The following CNTLN variants were observed in gnomAD, a reference collection of about 807,000 sequenced individuals.
CNTLN encodes centlein.
Under a neutral mutation model 180.0 loss-of-function variants are expected in CNTLN, and 212 were observed. That is an observed-to-expected ratio of 1.18 (90% CI 1.05 to 1.32). The LOEUF (loss-of-function observed/expected upper bound fraction) is 1.32, where lower values mean the gene tolerates loss of function less well. Ranked by LOEUF, CNTLN falls within the 40% of genes most tolerant of loss-of-function variation. CNTLN has a pLI of 0.00. For synonymous variants in CNTLN, 722 were observed against 563.1 expected, an observed-to-expected ratio of 1.28 and a Z score of -3.99; for missense variants, 2,095 against 1,610.9, an observed-to-expected ratio of 1.30 and a Z score of -5.14.
intron 2 of CNTLN, among the ~76,000 whole-genome samples, chr9:17,175,242 A>AT (rs1029520383): frequency 6.6e-6 from 1 of 151,944 alleles, no homozygotes; most frequent in Admixed American, 6.6e-5. Flanking sequence ...ATTTTCTCTT[A>AT]TTTTTTTTCC....
At chr9:17,145,523 A>C (rs745384707) in intron 2 of CNTLN, among the ~76,000 whole-genome samples, 3 of 152,160 alleles carry the variant, frequency 2.0e-5, no homozygotes, top group Non-Finnish European at 4.4e-5. Context: ...GGTCTGTTTA[A>C]TTTTTAAACC....
chr9:17,199,172 T>C (rs1161104790), intron 2 of CNTLN, among the ~76,000 whole-genome samples: 2 of 151,244 alleles, frequency 1.3e-5, no homozygotes, highest in Non-Finnish European at 2.9e-5. Context: ...CCAATTTCAC[T>C]GCAGCCTCGC....
intron 12 of CNTLN, among the ~76,000 whole-genome samples, chr9:17,361,168 C>G (rs547465410): frequency 6.6e-6 from 1 of 152,146 alleles, no homozygotes; most frequent in African/African-American, 2.4e-5. Context: ...CCATTAACTC[C>G]TCATTTAGCA....
At chr9:17,325,434 A>G (rs113722494) in intron 8 of CNTLN, among the ~76,000 whole-genome samples, 7 of 149,590 alleles carry the variant, frequency 4.7e-5, no homozygotes, top group African/African-American at 1.5e-4. Context: ...AGACAATTAT[A>G]TACTCTGTTG....
intron 5 of CNTLN, among the ~76,000 whole-genome samples, chr9:17,266,820 G>C (rs1398209433): frequency 6.6e-6 from 1 of 152,042 alleles, no homozygotes; most frequent in Non-Finnish European, 1.5e-5. Flanking sequence ...TTTGATCTTT[G>C]TTGGTTTGAA....
intron 2 of CNTLN, among the ~76,000 whole-genome samples, chr9:17,146,738 T>C (rs898867968): frequency 6.6e-6 from 1 of 152,200 alleles, no homozygotes; most frequent in Non-Finnish European, 1.5e-5. Flanking sequence ...TGGATGAAGA[T>C]TCTCTTTGAT....
In CNTLN at chr9:17,415,959, T is replaced by C. The variant is rs866003424; in HGVS notation, c.2891-7T>C. The C allele has an allele frequency of 2.2e-5, 35 of 1,597,912 alleles. No homozygotes were observed. The highest frequency in any genetic ancestry group is 2.1e-5 in the Non-Finnish European group (25 of 1,172,014). On this transcript the variant is annotated splice_polypyrimidine_tract_variant and splice_region_variant and intron_variant, in intron 17 of 25. Transcript: ENST00000380647. ...TTTAAAATATGAACAATATTGTTTT[T>C]ATGTAGTCAACAGAGAAAAGTACAA...
At chr9:17,364,944 C>G (rs1823688217) in intron 12 of CNTLN, among the ~76,000 whole-genome samples, 1 of 152,128 alleles carries the variant, frequency 6.6e-6, no homozygotes, top group Admixed American at 6.5e-5. Flanking sequence ...GGCTGGAGAA[C>G]TATTTTAGTG....
chr9:17,381,450 G>A (rs1825248564), intron 13 of CNTLN, among the ~76,000 whole-genome samples: 1 of 152,142 alleles, frequency 6.6e-6, no homozygotes, highest in African/African-American at 2.4e-5. Flanking sequence ...AAGTTATTAG[G>A]TACATTTTTT....
At chr9:17,322,011 A>G (rs1819948620) in intron 8 of CNTLN, among the ~76,000 whole-genome samples, 1 of 152,154 alleles carries the variant, frequency 6.6e-6, no homozygotes, top group Non-Finnish European at 1.5e-5. Context: ...TCGAGTTTAT[A>G]TGTGTAAACT....
chr9:17,442,882 G>GT (rs747444214), intron 18 of CNTLN, among the ~76,000 whole-genome samples: 11 of 152,216 alleles, frequency 7.2e-5, no homozygotes, highest in African/African-American at 2.2e-4. Context: ...TAGATCTCAT[G>GT]TTTTTTTACC....
rs889719268 is a variant in CNTLN, at chr9:17,301,286, T to C, written c.1146+2934T>C. ...AACCTAAATTGTGATCTGGGGTACA[T>C]TTTGAAACCGTAAACACTTTTCTTC... On this transcript the variant is annotated intron_variant, in intron 7 of 25. Transcript: ENST00000380647. 7 of 985,304 alleles carry C rather than the reference T, an allele frequency of 7.1e-6. No individual in the cohort carries two copies. The African/African-American group carries it at 1.0e-4, about 15-fold the overall frequency. 61.0% of individuals were successfully genotyped at this position (985,304 alleles called of 1,614,324 possible).
intron 13 of CNTLN, among the ~76,000 whole-genome samples, chr9:17,369,525 C>T (rs186052594): frequency 2.6e-5 from 4 of 151,676 alleles, no homozygotes; most frequent in Admixed American, 2.6e-4. Flanking sequence ...TTCAAGATAA[C>T]ATGGAGAAGG....
chr9:17,400,125 A>G (rs1465914652), intron 15 of CNTLN, among the ~76,000 whole-genome samples: 1 of 151,744 alleles, frequency 6.6e-6, no homozygotes, highest in Non-Finnish European at 1.5e-5. Context: ...CCCCAACACA[A>G]CTCTACCATT....
chr9:17,414,715 G>A (rs907381996), intron 16 of CNTLN, among the ~76,000 whole-genome samples: 3 of 152,164 alleles, frequency 2.0e-5, no homozygotes, highest in South Asian at 2.1e-4. Flanking sequence ...TTTGTTGCTG[G>A]ATTGGGATCT....
chr9:17,288,098 T>G lies in CNTLN; in HGVS notation c.984-10092T>G, dbSNP rs1268705580. 3.0e-5 allele frequency among the ~76,000 whole-genome samples: 4 copies of G among 132,792 alleles called. No homozygotes were observed. In the South Asian group the frequency reaches 1.2e-3, roughly 38 times the overall value. The allele number at this position is 132,792 out of a possible 152,430, so 87.1% of individuals were successfully genotyped here. On this transcript the variant is annotated intron_variant, in intron 6 of 25. Transcript: ENST00000380647. Reference sequence around the variant, plus strand: ...TTTTCTAGTTCTTTTAATTGTGATGTTAGGGTGTCAATTTTGGATCTTTCC... The same window carrying G: ...TTTTCTAGTTCTTTTAATTGTGATGGTAGGGTGTCAATTTTGGATCTTTCC...
At chr9:17,441,319 T>C (rs765228703) in intron 18 of CNTLN, among the ~76,000 whole-genome samples, 1 of 152,162 alleles carries the variant, frequency 6.6e-6, no homozygotes, top group Non-Finnish European at 1.5e-5. Context: ...TAATCACTTT[T>C]TATTCTGGCA....
chr9:17,291,300 G>C (rs1275398741), intron 6 of CNTLN, among the ~76,000 whole-genome samples: 10 of 152,212 alleles, frequency 6.6e-5, no homozygotes, highest in Non-Finnish European at 2.9e-5. Flanking sequence ...TGGGTGGAGA[G>C]TTCTGTAGAT....
chr9:17,269,390 A>G (rs1249668548), intron 5 of CNTLN, among the ~76,000 whole-genome samples: 2 of 152,094 alleles, frequency 1.3e-5, no homozygotes, highest in Non-Finnish European at 2.9e-5. Flanking sequence ...TGTACTACAT[A>G]CTTAACAGCT....
Sources: gnomAD v4.1 joint callset for allele counts (sites outside exome capture counted in the v4.1 genomes callset) on GRCh38, gnomAD v4.1.1 for gene constraint, MANE v1.5 for transcripts, NCBI Gene and HGNC (gene_info 2026-07-23, HGNC 2026-07-21) for gene names.